PCDHGA2: variants seen among roughly 807,000 people sequenced by gnomAD.
PCDHGA2 encodes protocadherin gamma subfamily A, 2.
In PCDHGA2, 40 loss-of-function variants were observed where a neutral mutation model predicts 59.2. The observed-to-expected ratio is 0.68, with a 90% CI of 0.52 to 0.88. PCDHGA2 has a LOEUF of 0.88. PCDHGA2 is among the 40% of genes least tolerant of loss of function. The pLI is 0.00. For synonymous variants in PCDHGA2, 560 were observed against 526.0 expected, an observed-to-expected ratio of 1.06 and a Z score of -0.89; for missense variants, 1,226 against 1,204.0, an observed-to-expected ratio of 1.02 and a Z score of -0.27.
rs1194724338 is a variant in PCDHGA2, at chr5:141,340,866, T to G, written c.1895T>G (p.Leu632Arg). 3.7e-6 allele frequency: 6 copies of G among 1,613,562 alleles called. No homozygotes were observed. Among genetic ancestry groups the G allele is most frequent in the Non-Finnish European group, 5.1e-6 (6 of 1,179,930 alleles). Residue 632 changes from leucine to arginine, a missense_variant, in exon 1 of 4, where the codon CTG (leucine) becomes CGG (arginine). Transcript: ENST00000394576. Reference protein sequence around the residue: ...HTGEVRTARALLDRDALKQSL... With the variant: ...HTGEVRTARARLDRDALKQSL... ...GGCGAGGTGCGCACGGCGCGAGCCC[T>G]GCTGGACAGAGACGCGCTCAAGCAG...
intron 1 of PCDHGA2, chr5:141,384,574 C>G (rs1229577686): frequency 1.9e-6 from 3 of 1,614,228 alleles, no homozygotes; most frequent in South Asian, 1.1e-5. Flanking sequence ...GAATGACAAC[C>G]CGCCCGAGAT....
intron 1 of PCDHGA2, chr5:141,351,458 C>G (rs1166702741): frequency 6.2e-7 from 1 of 1,613,310 alleles, no homozygotes; most frequent in Admixed American, 1.7e-5. Context: ...TTATTACAAG[C>G]TGGTGATTGC....
chr5:141,409,282 A>G (rs769745022), intron 1 of PCDHGA2: 1 of 1,613,958 alleles, frequency 6.2e-7, no homozygotes, highest in East Asian at 2.2e-5. Context: ...TGGAGAATTC[A>G]CCTCCAGGAA....
intron 1 of PCDHGA2, chr5:141,360,250 G>T (rs1239162060): frequency 6.2e-7 from 1 of 1,613,954 alleles, no homozygotes; most frequent in Non-Finnish European, 8.5e-7. Flanking sequence ...TTCAATTCCA[G>T]AGGAGCTGGC....
chr5:141,434,924 A>G (rs2097731722), intron 1 of PCDHGA2, among the ~76,000 whole-genome samples: 1 of 151,756 alleles, frequency 6.6e-6, no homozygotes, highest in African/African-American at 2.4e-5. Context: ...ATGTACATAT[A>G]TTTTATATAA....
intron 1 of PCDHGA2, among the ~76,000 whole-genome samples, chr5:141,438,636 ACACACAC>A: frequency 3.9e-5 from 1 of 25,700 alleles, no homozygotes; most frequent in African/African-American, 1.5e-4. Flanking sequence ...ATATATATAT[ACACACAC>A]ACACACACAT....
Position 141,376,087 on chromosome 5 carries a change from C to G in PCDHGA2, c.2424+34692C>G, listed in dbSNP as rs1772268954. On this transcript the variant is annotated intron_variant, in intron 1 of 3. Coordinates refer to ENST00000394576, the MANE Select transcript of PCDHGA2 (RefSeq NM_018915.4). The stretch of plus-strand genomic sequence containing the variant: ...TCACCGTGGCCGTGGCCGACAGGAT[C>G]CCCGACATCCTGGCCGACCTGGGCA... 1 of 1,613,538 alleles carries G rather than the reference C, an allele frequency of 6.2e-7. No individual in the cohort carries two copies. The highest frequency in any genetic ancestry group is 8.5e-7 in the Non-Finnish European group (1 of 1,179,934).
chr5:141,399,713 A>C (rs1353862646), intron 1 of PCDHGA2: 1 of 1,613,326 alleles, frequency 6.2e-7, no homozygotes, highest in Non-Finnish European at 8.5e-7. Context: ...CTCACACTAC[A>C]GGCCCGCGAC....
At chr5:141,375,097 G>A in intron 1 of PCDHGA2, 1 of 1,613,904 alleles carries the variant, frequency 6.2e-7, no homozygotes, top group Non-Finnish European at 8.5e-7. Flanking sequence ...TAACTATCTT[G>A]GATGTCAATG....
intron 1 of PCDHGA2, chr5:141,394,181 C>T (rs1232533966): frequency 1.2e-6 from 2 of 1,613,928 alleles, no homozygotes; most frequent in East Asian, 4.5e-5. Flanking sequence ...CTCATGCCTC[C>T]TACTCAGCGT....
At chr5:141,409,069 A>G (rs886525915) in intron 1 of PCDHGA2, 5 of 1,614,008 alleles carry the variant, frequency 3.1e-6, no homozygotes, top group Non-Finnish European at 4.2e-6. Context: ...AGAGCACAAA[A>G]CATATGTTCT....
intron 1 of PCDHGA2, among the ~76,000 whole-genome samples, chr5:141,437,250 G>T (rs1191184272): frequency 6.6e-6 from 1 of 152,102 alleles, no homozygotes; most frequent in African/African-American, 2.4e-5. Flanking sequence ...GACTTTCCTT[G>T]TCTTTTTATG....
At chr5:141,403,081 T>C (rs772246285) in intron 1 of PCDHGA2, 1 of 1,614,048 alleles carries the variant, frequency 6.2e-7, no homozygotes, top group East Asian at 2.2e-5. Flanking sequence ...AAAAGGGCTA[T>C]ATTGTGGGCA....
intron 1 of PCDHGA2, among the ~76,000 whole-genome samples, chr5:141,363,849 A>C (rs1476052726): frequency 6.6e-6 from 1 of 152,206 alleles, no homozygotes; most frequent in African/African-American, 2.4e-5. Flanking sequence ...AATTTAATGG[A>C]CTAAATATAG....
intron 1 of PCDHGA2, 33 bp from the exon 2 acceptor site, chr5:141,494,774 T>C (rs1462930792): frequency 6.2e-7 from 1 of 1,613,860 alleles, no homozygotes; most frequent in African/African-American, 1.3e-5. Flanking sequence ...TTCTCACGGG[T>C]ACTCAGCCCC....
chr5:141,454,628 AC>A (rs1272822911), intron 1 of PCDHGA2, among the ~76,000 whole-genome samples: 2 of 151,334 alleles, frequency 1.3e-5, no homozygotes, highest in Non-Finnish European at 2.9e-5. Context: ...CTGGTCTCGA[AC>A]CCCCAACCTC....
At position 141,511,260 on chromosome 5, in the gene PCDHGA2, G is replaced by A; in HGVS notation, c.*87G>A. 6.4e-7 allele frequency: 1 copy of A among 1,558,596 alleles called. No individual in the cohort carries two copies. Among genetic ancestry groups the A allele is most frequent in the Non-Finnish European group, 8.7e-7 (1 of 1,151,758 alleles). On this transcript the variant is annotated 3_prime_UTR_variant, in exon 4 of 4. Transcript: ENST00000394576. ...CCTGCACCCAGGCCTCAGAGTTTCA[G>A]GGCTAACCCCCAGAATACTGGTAGG...
intron 1 of PCDHGA2, chr5:141,393,238 T>A: frequency 1.2e-6 from 2 of 1,613,734 alleles, no homozygotes; most frequent in Non-Finnish European, 8.5e-7. Context: ...GAAGTAAAAA[T>A]TAACGAAATC....
intron 1 of PCDHGA2, chr5:141,392,630 C>T (rs1431794812): frequency 1.7e-6 from 1 of 602,802 alleles, no homozygotes; most frequent in African/African-American, 1.9e-5. Context: ...ACACTCAGAT[C>T]TCACACCTCA....
Sources: gnomAD v4.1 joint callset for allele counts (sites outside exome capture counted in the v4.1 genomes callset) on GRCh38, gnomAD v4.1.1 for gene constraint, MANE v1.5 for transcripts, NCBI Gene and HGNC (gene_info 2026-07-23, HGNC 2026-07-21) for gene names.